The following LRCH3 variants were observed in gnomAD, a reference collection of about 807,000 sequenced individuals.
LRCH3 encodes DISP complex protein LRCH3.
LRCH3 carries 68 observed loss-of-function variants against 104.5 expected under a neutral mutation model. The observed-to-expected ratio is 0.65, with a 90% CI of 0.54 to 0.80. The LOEUF is 0.80. Ranked by LOEUF, LRCH3 falls within the 30% of genes least tolerant of loss-of-function variation. LRCH3 has a pLI of 0.00. For missense variants in LRCH3, 951 were observed against 953.9 expected (o/e 1.00, Z 0.04); for synonymous variants, 344 against 361.3 (o/e 0.95, Z 0.54).
chr3:197,798,871 A>G (rs1462197045), intron 1 of LRCH3, among the ~76,000 whole-genome samples: 1 of 152,238 alleles, frequency 6.6e-6, no homozygotes, highest in African/African-American at 2.4e-5. Context: ...CATTTGCACT[A>G]GCCACATTTC....
rs184203932 is a variant in LRCH3, at chr3:197,881,833, G to A, written c.2209-1708G>A. 5.8e-5 allele frequency: 57 copies of A among 985,376 alleles called. No individual in the cohort carries two copies. The African/African-American group carries it at 9.6e-4, about 17-fold the overall frequency. The allele number at this position is 985,376 out of a possible 1,614,324, so 61.0% of individuals were successfully genotyped here. On this transcript the variant is annotated intron_variant, in intron 20 of 20. Transcript: ENST00000425562. ...GTTTAGAATTCAGCCTGAGGGAGGA[G>A]CATAACATCTGGGTGTAGAATTCAG...
At chr3:197,832,390 A>C in intron 8 of LRCH3, 73 bp downstream of exon 8, 3 of 1,503,896 alleles carry the variant, frequency 2.0e-6, no homozygotes, top group Non-Finnish European at 2.7e-6. Flanking sequence ...TTTCATACCC[A>C]CTCCTTTTGT....
In LRCH3 at chr3:197,856,333, G is replaced by A. The variant is rs1204166597; in HGVS notation, c.1644+1888G>A. 6.6e-6 allele frequency among the ~76,000 whole-genome samples: 1 copy of A among 151,158 alleles called. No homozygotes were observed. Among genetic ancestry groups the A allele is most frequent in the Non-Finnish European group, 1.5e-5 (1 of 67,612 alleles). On this transcript the variant is annotated intron_variant, in intron 14 of 20. Coordinates refer to ENST00000425562, the MANE Select transcript of LRCH3 (RefSeq NM_001365715.1). This position sits in a 1 kb window ranked among gnomAD's most constrained non-coding sequence, Gnocchi z 4.2. ...TACATAGTGTATTACTGTTGTCACGGTAATTTTTTTATCATGGTAGTTTTA... is the reference window on the plus strand; with the variant it reads ...TACATAGTGTATTACTGTTGTCACGATAATTTTTTTATCATGGTAGTTTTA...
chr3:197,859,190 T>C lies in LRCH3; in HGVS notation c.1716+285T>C, dbSNP rs544235071. ...TTTTCTTGTGAGTTATTATTTCACT[T>C]TGGTTAGTATATAATATTGAATTAA... is the stretch of plus-strand genomic sequence containing the variant. On this transcript the variant is annotated intron_variant, in intron 15 of 20. Transcript: ENST00000425562. 132 of 393,314 alleles carry C rather than the reference T, an allele frequency of 3.4e-4. 2 individuals are homozygous for C. Among genetic ancestry groups the C allele is most frequent in the South Asian group, 3.3e-3 (129 of 39,254 alleles). The allele number at this position is 393,314 out of a possible 1,614,324, so 24.4% of individuals were successfully genotyped here.
chr3:197,797,873 AC>A (rs1454915311), intron 1 of LRCH3, among the ~76,000 whole-genome samples: 2,421 of 18,258 alleles, frequency 0.13, 45 homozygotes, highest in East Asian at 0.36. Context: ...AAAAAAAAAA[AC>A]AAAAAAAACA....
In LRCH3 at chr3:197,887,610, C is replaced by T. The variant is rs1714321680; in HGVS notation, c.*3944C>T. Reference sequence around the variant, plus strand: ...GGGGCTGAGAGCCCCCCTAGCAGAGCCCTTCCCATCACTGACAGTGTCTGG... The same window carrying T: ...GGGGCTGAGAGCCCCCCTAGCAGAGTCCTTCCCATCACTGACAGTGTCTGG... On this transcript the variant is annotated 3_prime_UTR_variant, in exon 21 of 21. Coordinates refer to ENST00000425562, the MANE Select transcript of LRCH3 (RefSeq NM_001365715.1). 6.6e-6 allele frequency: 1 copy of T among 151,972 alleles called. No homozygotes were observed. The highest frequency in any genetic ancestry group is 6.7e-5 in the Admixed American group (1 of 14,984). The allele number at this position is 151,972 out of a possible 1,614,324, so 9.4% of individuals were successfully genotyped here.
chr3:197,805,502 C>T (rs1462986894), intron 1 of LRCH3, among the ~76,000 whole-genome samples: 2 of 151,560 alleles, frequency 1.3e-5, no homozygotes, highest in African/African-American at 2.4e-5. Context: ...GATCTCTAGG[C>T]ATCTCCCTGC....
At position 197,810,451 on chromosome 3, in the gene LRCH3, C is replaced by CTATTT. The variant is rs1361028607; in HGVS notation, c.263-4450_263-4446dup. Among the ~76,000 whole-genome samples, 2 of 152,162 alleles carry CTATTT rather than the reference C, an allele frequency of 1.3e-5. No individual in the cohort carries two copies. Among genetic ancestry groups the CTATTT allele is most frequent in the Admixed American group, 6.6e-5 (1 of 15,254 alleles). On this transcript the variant is annotated intron_variant, in intron 1 of 20. Coordinates refer to ENST00000425562, the MANE Select transcript of LRCH3 (RefSeq NM_001365715.1). This position sits in a 1 kb window ranked among gnomAD's most constrained non-coding sequence, Gnocchi z 4.0. Reference sequence around the variant, plus strand: ...TACAGGCATGAGCTACCGTGCCTGGCTATTTTATTTTTAAACTTGGAGAGG... The same window carrying CTATTT: ...TACAGGCATGAGCTACCGTGCCTGGCTATTTTATTTTATTTTTAAACTTGGAGAGG...
At chr3:197,812,532 G>GTTTTTTTTTTTTTTTTTT (rs1733289324) in intron 1 of LRCH3, among the ~76,000 whole-genome samples, 2 of 4,620 alleles carry the variant, frequency 4.3e-4, no homozygotes, top group Admixed American at 4.9e-3. Flanking sequence ...TTTTTTTTTA[G>GTTTTTTTTTTTTTTTTTT]GTGGAGTCTC....
chr3:197,866,062 A>C, intron 16 of LRCH3, 50 bp from the exon 17 acceptor site: 1 of 1,280,908 alleles, frequency 7.8e-7, no homozygotes, highest in Non-Finnish European at 1.1e-6. Context: ...TATGTCTGCT[A>C]TTATATTTTC....
At chr3:197,858,019 C>T (rs932267742) in intron 14 of LRCH3, among the ~76,000 whole-genome samples, 4 of 152,190 alleles carry the variant, frequency 2.6e-5, no homozygotes, top group African/African-American at 7.2e-5. Context: ...TTAAAAATTA[C>T]TTATAAAGAC....
chr3:197,864,327 G>C (rs1466154234), intron 15 of LRCH3, among the ~76,000 whole-genome samples: 1 of 137,792 alleles, frequency 7.3e-6, no homozygotes, highest in African/African-American at 3.3e-5. Context: ...AATAAAAACA[G>C]CTGGGCGTGG....
rs111363351 is a variant in LRCH3, at chr3:197,869,881, C to G, written c.1874-279C>G. Among the ~76,000 whole-genome samples the G allele has an allele frequency of 4.1e-3, 603 of 145,454 alleles. 5 individuals are homozygous for G. The highest frequency in any genetic ancestry group is 0.015 in the African/African-American group (573 of 38,598). On this transcript the variant is annotated intron_variant, in intron 17 of 20. Transcript: ENST00000425562. ...ACTGTACCTGCAGGAGGTAGAAAGCCATGCAGTGTACCTGCAGGAGGTAGA... is the reference window on the plus strand; with the variant it reads ...ACTGTACCTGCAGGAGGTAGAAAGCGATGCAGTGTACCTGCAGGAGGTAGA...
chr3:197,812,530 T>TTTTTTTTTTTTA (rs1733286183), intron 1 of LRCH3, among the ~76,000 whole-genome samples: 1 of 145,762 alleles, frequency 6.9e-6, no homozygotes, highest in Non-Finnish European at 1.5e-5. Flanking sequence ...TTTTTTTTTT[T>TTTTTTTTTTTTA]AGGTGGAGTC....
intron 1 of LRCH3, among the ~76,000 whole-genome samples, chr3:197,800,082 G>A (rs1213569847): frequency 6.6e-6 from 1 of 151,850 alleles, no homozygotes; most frequent in Non-Finnish European, 1.5e-5. Flanking sequence ...CCAGCTACTC[G>A]GGAGGCTGAG....
chr3:197,793,990 T>A (rs1339947375), intron 1 of LRCH3, among the ~76,000 whole-genome samples: 1 of 152,230 alleles, frequency 6.6e-6, no homozygotes, highest in Non-Finnish European at 1.5e-5. Context: ...TATTTTGAAA[T>A]ATACTGCCTT....
intron 20 of LRCH3, chr3:197,882,622 C>G: frequency 1.0e-6 from 1 of 962,198 alleles, no homozygotes; most frequent in Non-Finnish European, 1.2e-6. Context: ...TTTGTAAGAG[C>G]AATCTCTTTT....
chr3:197,793,151 C>T (rs1730820379), intron 1 of LRCH3, among the ~76,000 whole-genome samples: 1 of 152,050 alleles, frequency 6.6e-6, no homozygotes, highest in African/African-American at 2.4e-5. Flanking sequence ...GCTTTGCAGT[C>T]ATTAAAAATT....
chr3:197,855,011 G>A (rs1740064008), intron 14 of LRCH3, among the ~76,000 whole-genome samples: 1 of 152,150 alleles, frequency 6.6e-6, no homozygotes, highest in East Asian at 1.9e-4. Context: ...CTCAAAATGA[G>A]TATAAGATGG....
Sources: allele counts gnomAD v4.1 joint callset (sites outside exome capture counted in the v4.1 genomes callset), GRCh38; gene constraint gnomAD v4.1.1; non-coding constraint Gnocchi (gnomAD v3.1); transcripts MANE v1.5; gene names NCBI Gene and HGNC (gene_info 2026-07-23, HGNC 2026-07-21).